Variants in STX8 observed in about 807,000 individuals in gnomAD.
STX8 encodes syntaxin-8.
Under a neutral mutation model 37.5 loss-of-function variants are expected in STX8, and 23 were observed. That is an observed-to-expected ratio of 0.61 (90% CI 0.44 to 0.87). The LOEUF (loss-of-function observed/expected upper bound fraction) is 0.87, where lower values mean the gene tolerates loss of function less well. STX8 is among the 40% of genes least tolerant of loss of function. STX8 has a pLI of 0.00. For missense variants in STX8, 313 were observed against 284.7 expected (o/e 1.10, Z -0.71); for synonymous variants, 115 against 99.1 (o/e 1.16, Z -0.95).
At chr17:9,524,611 T>C (rs1229743761) in intron 4 of STX8, among the ~76,000 whole-genome samples, 1 of 152,198 alleles carries the variant, frequency 6.6e-6, no homozygotes, top group Non-Finnish European at 1.5e-5. Flanking sequence ...AGGGTGTCAA[T>C]GAATAATGCA....
At chr17:9,564,323 AAG>A (rs886615163) in intron 2 of STX8, among the ~76,000 whole-genome samples, 22 of 151,918 alleles carry the variant, frequency 1.4e-4, no homozygotes, top group African/African-American at 5.3e-4. Context: ...AAGGGAGAGA[AAG>A]AGAGAAAGGA....
At chr17:9,365,972 T>C (rs1911217655) in intron 7 of STX8, among the ~76,000 whole-genome samples, 1 of 151,682 alleles carries the variant, frequency 6.6e-6, no homozygotes, top group African/African-American at 2.4e-5. Context: ...GACTCTGTCT[T>C]GGAAAAAAAC....
intron 6 of STX8, among the ~76,000 whole-genome samples, chr17:9,477,447 C>T (rs1458723715): frequency 6.6e-6 from 1 of 152,002 alleles, no homozygotes; most frequent in Non-Finnish European, 1.5e-5. Flanking sequence ...CTAACTAGTG[C>T]CATTCAAAGG....
chr17:9,500,785 G>A (rs994801665), intron 5 of STX8, among the ~76,000 whole-genome samples: 9 of 152,090 alleles, frequency 5.9e-5, no homozygotes, highest in East Asian at 3.9e-4. Context: ...GGCAGATCAC[G>A]AGGTCAGGAG....
intron 5 of STX8, among the ~76,000 whole-genome samples, chr17:9,494,492 G>A (rs544337823): frequency 6.6e-6 from 1 of 151,126 alleles, no homozygotes; most frequent in South Asian, 2.1e-4. Flanking sequence ...GTGTGGTGGC[G>A]CATGCCTATA....
intron 4 of STX8, among the ~76,000 whole-genome samples, chr17:9,529,796 ATG>A (rs1437202379): frequency 5.9e-5 from 9 of 152,156 alleles, no homozygotes; most frequent in Non-Finnish European, 1.2e-4. Context: ...TATACTATAG[ATG>A]TTCATTGGAT....
At chr17:9,508,672 A>C (rs1034669542) in intron 4 of STX8, among the ~76,000 whole-genome samples, 1 of 152,228 alleles carries the variant, frequency 6.6e-6, no homozygotes, top group African/African-American at 2.4e-5. Flanking sequence ...TAACACAGAA[A>C]GATGGGGGGA....
chr17:9,514,169 T>C (rs1028316754), intron 4 of STX8, among the ~76,000 whole-genome samples: 2 of 152,128 alleles, frequency 1.3e-5, no homozygotes, highest in Admixed American at 1.3e-4. Context: ...AAGGACGATA[T>C]AGAATGTTCC....
intron 7 of STX8, among the ~76,000 whole-genome samples, chr17:9,295,733 T>C (rs1908495526): frequency 6.6e-6 from 1 of 151,048 alleles, no homozygotes. Flanking sequence ...CAGAATGAGA[T>C]TCCGTCCCCC....
intron 7 of STX8, among the ~76,000 whole-genome samples, chr17:9,348,663 C>T (rs1249051145): frequency 6.6e-6 from 1 of 152,174 alleles, no homozygotes; most frequent in Admixed American, 6.6e-5. Flanking sequence ...AGTCCCTGCA[C>T]TCAGGAAGCT....
At chr17:9,334,522 T>C (rs1288545087) in intron 7 of STX8, among the ~76,000 whole-genome samples, 2 of 152,160 alleles carry the variant, frequency 1.3e-5, no homozygotes, top group Non-Finnish European at 2.9e-5. Flanking sequence ...TTGGACCTCT[T>C]TCACTGTCTC....
intron 2 of STX8, among the ~76,000 whole-genome samples, chr17:9,559,760 A>ATATATATATTTTTTTTTTTTT: frequency 8.2e-5 from 2 of 24,488 alleles, no homozygotes; most frequent in African/African-American, 3.8e-4. Flanking sequence ...ATATATATAT[A>ATATATATATTTTTTTTTTTTT]TTTTTTTTTT....
intron 7 of STX8, among the ~76,000 whole-genome samples, chr17:9,344,045 A>G (rs1287449114): frequency 1.3e-5 from 2 of 149,424 alleles, no homozygotes; most frequent in Non-Finnish European, 3.0e-5. Context: ...ACAAAATATA[A>G]CAACAACCAC....
intron 6 of STX8, among the ~76,000 whole-genome samples, chr17:9,477,192 T>C (rs778784935): frequency 2.6e-5 from 4 of 152,112 alleles, no homozygotes; most frequent in Non-Finnish European, 2.9e-5. Context: ...ACCAGGCATA[T>C]TGGATTAGGG....
chr17:9,383,652 CA>C (rs1911893117), intron 6 of STX8, among the ~76,000 whole-genome samples: 1 of 151,862 alleles, frequency 6.6e-6, no homozygotes, highest in Admixed American at 6.6e-5. Flanking sequence ...GGGAAGAAAG[CA>C]AAAAGGTATG....
At chr17:9,411,864 T>C (rs1171039256) in intron 6 of STX8, among the ~76,000 whole-genome samples, 1 of 152,170 alleles carries the variant, frequency 6.6e-6, no homozygotes, top group Admixed American at 6.5e-5. Context: ...GTAGTATATA[T>C]AATTTTTCAG....
intron 7 of STX8, among the ~76,000 whole-genome samples, chr17:9,369,522 T>C (rs936597422): frequency 2.0e-5 from 3 of 152,112 alleles, no homozygotes; most frequent in Non-Finnish European, 4.4e-5. Context: ...AGCTCTAAAG[T>C]CTGTTAAATA....
intron 7 of STX8, among the ~76,000 whole-genome samples, chr17:9,297,589 C>T (rs1353317878): frequency 7.2e-5 from 11 of 152,188 alleles, no homozygotes; most frequent in South Asian, 2.1e-4. Flanking sequence ...GTTTGTTAGC[C>T]GGATGCAGTA....
At chr17:9,332,550 C>T (rs1909996556) in intron 7 of STX8, among the ~76,000 whole-genome samples, 1 of 152,098 alleles carries the variant, frequency 6.6e-6, no homozygotes, top group Admixed American at 6.5e-5. Flanking sequence ...ATAATTCATC[C>T]AAATGGAGCT....
Sources: allele counts gnomAD v4.1 joint callset (sites outside exome capture counted in the v4.1 genomes callset), GRCh38; gene constraint gnomAD v4.1.1; transcripts MANE v1.5; gene names NCBI Gene and HGNC (gene_info 2026-07-23, HGNC 2026-07-21).